SBF2: variants seen among roughly 807,000 people sequenced by gnomAD.
The protein encoded by SBF2 is SET binding factor 2.
A neutral mutation model predicts 225.2 loss-of-function variants in SBF2; 112 were observed. The observed-to-expected ratio is 0.50, with a 90% confidence interval of 0.43 to 0.58. The LOEUF (loss-of-function observed/expected upper bound fraction) is 0.58. SBF2 is among the 20% of genes least tolerant of loss of function. SBF2 has a pLI of 0.00. For synonymous variants in SBF2, 763 were observed against 773.3 expected, an observed-to-expected ratio of 0.99 and a Z score of 0.22; for missense variants, 1,996 against 2,206.2, an observed-to-expected ratio of 0.90 and a Z score of 1.91.
chr11:9,994,474 CAAA>C (rs1289608238), intron 9 of SBF2, among the ~76,000 whole-genome samples: 1 of 94,394 alleles, frequency 1.1e-5, no homozygotes. Context: ...GACTCCATCT[CAAA>C]AAAAAAAAAA....
At chr11:9,781,386 C>T (rs1851995242) in intron 39 of SBF2, 121 bp downstream of exon 39, 4 of 1,309,566 alleles carry the variant, frequency 3.1e-6, no homozygotes, top group Middle Eastern at 2.5e-4. Flanking sequence ...ATTCCCATAG[C>T]CAAGGGGGTC....
At chr11:9,992,967 T>C (rs1363614629) in intron 11 of SBF2, 23 bp downstream of exon 11, 2 of 1,495,912 alleles carry the variant, frequency 1.3e-6, no homozygotes, top group South Asian at 1.1e-5. Flanking sequence ...TTTGGACAGA[T>C]ACAATATAGT....
chr11:10,289,334 AG>A (rs1382345250), intron 1 of SBF2, among the ~76,000 whole-genome samples: 2 of 152,116 alleles, frequency 1.3e-5, no homozygotes, highest in African/African-American at 4.8e-5. Flanking sequence ...CTTAGAACAC[AG>A]GGAGAACTGG....
chr11:10,304,382 CTA>C (rs963984785), intron 1 of SBF2, among the ~76,000 whole-genome samples: 1 of 152,196 alleles, frequency 6.6e-6, no homozygotes, highest in African/African-American at 2.4e-5. Context: ...TTGGTTATTC[CTA>C]TGTTTCCAAA....
chr11:10,219,650 G>A (rs1958268266), intron 1 of SBF2, among the ~76,000 whole-genome samples: 1 of 152,104 alleles, frequency 6.6e-6, no homozygotes, highest in Admixed American at 6.6e-5. Flanking sequence ...TTTCTTGAAT[G>A]CTCTGCCGCT....
chr11:10,161,672 T>C (rs1183528758), intron 2 of SBF2, among the ~76,000 whole-genome samples: 2 of 152,144 alleles, frequency 1.3e-5, no homozygotes. Context: ...ATTGGTACAC[T>C]TTCAGGAAAA....
intron 17 of SBF2, among the ~76,000 whole-genome samples, chr11:9,859,350 A>T (rs1461449613): frequency 6.6e-6 from 1 of 152,230 alleles, no homozygotes; most frequent in Non-Finnish European, 1.5e-5. Flanking sequence ...CTTGTATAAC[A>T]TTGCATTTTA....
Position 9,812,723 on chromosome 11 carries a change from T to A in SBF2, c.3979-15A>T, listed in dbSNP as rs1312260660. On this transcript the variant is annotated splice_polypyrimidine_tract_variant and intron_variant, in intron 29 of 39. Transcript: ENST00000256190. ...ACCTTGAAGTTCTGCGGATGAAGAT[T>A]CAGAGAATTAGGCAGATGAAGTGCT... 1 of 1,613,536 alleles carries A rather than the reference T, an allele frequency of 6.2e-7. No individual in the cohort carries two copies. Among genetic ancestry groups the A allele is most frequent in the East Asian group, 2.2e-5 (1 of 44,886 alleles).
At chr11:10,039,788 T>A (rs1037168807) in intron 3 of SBF2, among the ~76,000 whole-genome samples, 6 of 151,902 alleles carry the variant, frequency 3.9e-5, no homozygotes, top group African/African-American at 1.4e-4. Context: ...CAACTTGTTA[T>A]GATGAAAAGT....
At chr11:10,267,920 C>G (rs1278020449) in intron 1 of SBF2, among the ~76,000 whole-genome samples, 1 of 152,146 alleles carries the variant, frequency 6.6e-6, no homozygotes, top group Non-Finnish European at 1.5e-5. Flanking sequence ...TTTCTTTCCT[C>G]CTGTTAAAAA....
intron 9 of SBF2, among the ~76,000 whole-genome samples, chr11:9,997,560 C>T (rs1172477396): frequency 2.6e-5 from 4 of 152,242 alleles, no homozygotes; most frequent in Middle Eastern, 3.4e-3. Context: ...GGGCAGATCA[C>T]GAGATCAGGA....
At chr11:10,008,146 T>A (rs1948282200) in intron 6 of SBF2, among the ~76,000 whole-genome samples, 1 of 152,158 alleles carries the variant, frequency 6.6e-6, no homozygotes, top group Non-Finnish European at 1.5e-5. Context: ...CAGGGAGGTA[T>A]ATGGGGAAGA....
intron 13 of SBF2, 104 bp from the exon 14 acceptor site, chr11:9,968,649 C>T: frequency 2.3e-6 from 2 of 878,728 alleles, no homozygotes; most frequent in East Asian, 2.4e-5. Context: ...GGTAGTTATA[C>T]ATACATTCAT....
chr11:9,800,916 CTT>C (rs1233311719), intron 32 of SBF2, among the ~76,000 whole-genome samples: 1 of 151,836 alleles, frequency 6.6e-6, no homozygotes, highest in Non-Finnish European at 1.5e-5. Context: ...TAATATGTGT[CTT>C]TTTTTTCTCA....
chr11:10,071,265 C>CTTTTTT (rs945479458), intron 2 of SBF2, among the ~76,000 whole-genome samples: 56 of 103,058 alleles, frequency 5.4e-4, no homozygotes, highest in African/African-American at 1.9e-3. Context: ...CTCTCTCTCT[C>CTTTTTT]TTTTTTTTTT....
intron 1 of SBF2, among the ~76,000 whole-genome samples, chr11:10,266,406 C>T (rs1020107432): frequency 6.6e-6 from 1 of 152,116 alleles, no homozygotes; most frequent in Non-Finnish European, 1.5e-5. Flanking sequence ...AGGGGATATC[C>T]CTGCATGCAG....
chr11:10,120,439 C>T (rs1280794930), intron 2 of SBF2, among the ~76,000 whole-genome samples: 1 of 152,082 alleles, frequency 6.6e-6, no homozygotes, highest in African/African-American at 2.4e-5. Context: ...TGGAAGTACA[C>T]CCAAAAGTGG....
intron 6 of SBF2, among the ~76,000 whole-genome samples, chr11:10,014,927 TG>T (rs937546122): frequency 9.2e-5 from 14 of 152,020 alleles, no homozygotes; most frequent in Non-Finnish European, 1.8e-4. Context: ...CCCAGGAGTT[TG>T]AGACCAGCCT....
intron 1 of SBF2, among the ~76,000 whole-genome samples, chr11:10,234,348 A>G (rs1439956206): frequency 6.6e-6 from 1 of 152,134 alleles, no homozygotes; most frequent in Non-Finnish European, 1.5e-5. Context: ...TCTATAGCAT[A>G]GTTAGACCAT....
Sources: allele counts gnomAD v4.1 joint callset (sites outside exome capture counted in the v4.1 genomes callset), GRCh38; gene constraint gnomAD v4.1.1; transcripts MANE v1.5; gene names NCBI Gene and HGNC (gene_info 2026-07-23, HGNC 2026-07-21).